WDFY3: variants seen among roughly 807,000 people sequenced by gnomAD.
The protein encoded by WDFY3 is WD repeat and FYVE domain containing 3.
A neutral mutation model predicts 409.6 loss-of-function variants in WDFY3; 66 were observed. That is an observed-to-expected ratio of 0.16 (90% confidence interval 0.13 to 0.20). The LOEUF (loss-of-function observed/expected upper bound fraction) is 0.20. Ranked by LOEUF, WDFY3 falls within the 10% of genes least tolerant of loss-of-function variation. The probability of loss-of-function intolerance (pLI) is 1.00; values close to 1 mark genes in which losing one functional copy is unlikely to be tolerated. For synonymous variants in WDFY3, 1,521 were observed against 1,537.1 expected (o/e 0.99, Z 0.25); for missense variants, 3,031 against 4,298.1 (o/e 0.71, Z 8.24).
chr4:84,710,229 C>A (rs1183602364), intron 51 of WDFY3, among the ~76,000 whole-genome samples: 1 of 152,076 alleles, frequency 6.6e-6, no homozygotes, highest in Non-Finnish European at 1.5e-5. Flanking sequence ...CAGATCCAAG[C>A]ATACTTAATT....
At chr4:84,698,370 G>C (rs1267201964) in intron 56 of WDFY3, among the ~76,000 whole-genome samples, 1 of 148,878 alleles carries the variant, frequency 6.7e-6, no homozygotes, top group African/African-American at 2.5e-5. Context: ...CTTCAGCCTT[G>C]AGCTCCTGGC....
intron 34 of WDFY3, among the ~76,000 whole-genome samples, chr4:84,754,444 C>T (rs927016071): frequency 6.6e-6 from 1 of 152,150 alleles, no homozygotes; most frequent in African/African-American, 2.4e-5. Flanking sequence ...AACGAGACTC[C>T]TAAAACATTC....
rs544204391 is a variant in WDFY3 at position 84,921,195 on chromosome 4, C to G, written c.-132+11075G>C. Among the ~76,000 whole-genome samples, 6 of 152,148 alleles carry G rather than the reference C, an allele frequency of 3.9e-5. No individual in the cohort carries two copies. In the South Asian group the frequency reaches 6.2e-4, roughly 16 times the overall value. On this transcript the variant is annotated intron_variant, in intron 2 of 67. Coordinates refer to ENST00000295888, the MANE Select transcript of WDFY3 (RefSeq NM_014991.6). ...TATAGTCATAAAACAACTGCAAGAG[C>G]CTTCTCGGACCCAATCTTAAAGCAA...
At chr4:84,724,307 T>G in intron 46 of WDFY3, 119 bp downstream of exon 46, 1 of 1,142,218 alleles carries the variant, frequency 8.8e-7, no homozygotes, top group Non-Finnish European at 1.2e-6. Flanking sequence ...GATGGTAAAA[T>G]GTGTATGGAT....
At chr4:84,841,627 G>A (rs1215324391) in intron 5 of WDFY3, among the ~76,000 whole-genome samples, 1 of 152,128 alleles carries the variant, frequency 6.6e-6, no homozygotes, top group Non-Finnish European at 1.5e-5. Flanking sequence ...AAACAAGAGT[G>A]GCTAGAGGAA....
At position 84,688,305 on chromosome 4, in the gene WDFY3, A is replaced by T. The variant is rs114314460; in HGVS notation, c.9364-40T>A. On this transcript the variant is annotated intron_variant, in intron 61 of 67. Coordinates refer to ENST00000295888, the MANE Select transcript of WDFY3 (RefSeq NM_014991.6). Reference sequence around the variant, plus strand: ...AAACAAACAAAATCAGGTTGATCTCAGTGACAGGGTTCCACAGTGACTCCA... The same window carrying T: ...AAACAAACAAAATCAGGTTGATCTCTGTGACAGGGTTCCACAGTGACTCCA... 360 of 1,591,218 alleles carry T rather than the reference A, an allele frequency of 2.3e-4. 2 individuals carry two copies. In the African/African-American group the frequency reaches 3.3e-3, roughly 14 times the overall value.
At chr4:84,810,876 G>A (rs934943217) in intron 13 of WDFY3, among the ~76,000 whole-genome samples, 1 of 152,168 alleles carries the variant, frequency 6.6e-6, no homozygotes, top group Non-Finnish European at 1.5e-5. Context: ...ATGAACTGAA[G>A]CCTAAGGGTT....
intron 46 of WDFY3, 55 bp from the exon 47 acceptor site, chr4:84,721,627 G>C: frequency 6.3e-7 from 1 of 1,586,612 alleles, no homozygotes; most frequent in Non-Finnish European, 8.5e-7. Flanking sequence ...TTGTGGGGAA[G>C]CAGTTTAGTC....
At chr4:84,868,347 C>A (rs1174587213) in intron 3 of WDFY3, among the ~76,000 whole-genome samples, 3 of 151,972 alleles carry the variant, frequency 2.0e-5, no homozygotes, top group Non-Finnish European at 2.9e-5. Flanking sequence ...TCCCAACAAA[C>A]TGGGTATATA....
Position 84,724,558 on chromosome 4 carries a change from T to G in WDFY3, c.7309A>C (p.Ser2437Arg). ...GCCAGTCGCATGTAGTACTCTTTAC[T>G]GTCATAACTTACGGCTCTTCTATAT... ...ARYRRAVSYD[S>R]KEYYMRLASG... The change falls in exon 46 of 68, where the codon AGT becomes CGT. Residue 2437 changes from serine to arginine, a missense_variant. Coordinates refer to ENST00000295888, the MANE Select transcript of WDFY3 (RefSeq NM_014991.6). 1 of 1,613,932 alleles carries G rather than the reference T, an allele frequency of 6.2e-7. No homozygotes were observed. The highest frequency in any genetic ancestry group is 8.5e-7 in the Non-Finnish European group (1 of 1,179,938).
intron 44 of WDFY3, among the ~76,000 whole-genome samples, chr4:84,733,089 A>G (rs568350870): frequency 6.6e-6 from 1 of 152,356 alleles, no homozygotes; most frequent in Admixed American, 6.5e-5. Context: ...GAAAACTCAG[A>G]GAGGTTTAAT....
chr4:84,859,790 G>A lies in WDFY3; in HGVS notation c.180+622C>T, dbSNP rs574320990. On this transcript the variant is annotated intron_variant, in intron 4 of 67. Coordinates refer to ENST00000295888, the MANE Select transcript of WDFY3 (RefSeq NM_014991.6). ...GGGTCTCACCATGTTGGCCAGGCTT[G>A]TCTCAAACTCCTGACCTCAGGTGAT... Among the ~76,000 whole-genome samples, 179 of 151,832 alleles carry A rather than the reference G, an allele frequency of 1.2e-3. 1 individual carries two copies. The highest frequency in any genetic ancestry group is 2.1e-3 in the Non-Finnish European group (144 of 67,926).
At chr4:84,698,432 GC>G (rs1730505043) in intron 56 of WDFY3, among the ~76,000 whole-genome samples, 1 of 151,702 alleles carries the variant, frequency 6.6e-6, no homozygotes, top group Non-Finnish European at 1.5e-5. Flanking sequence ...GTGCCACCAT[GC>G]CTGGCTAATT....
At chr4:84,694,652 C>A (rs1415518986) in intron 58 of WDFY3, among the ~76,000 whole-genome samples, 1 of 152,162 alleles carries the variant, frequency 6.6e-6, no homozygotes, top group Non-Finnish European at 1.5e-5. Flanking sequence ...GTAAACACAG[C>A]CAGGCGCCGT....
chr4:84,944,432 T>G (rs1005089062), intron 1 of WDFY3, among the ~76,000 whole-genome samples: 10 of 152,008 alleles, frequency 6.6e-5, no homozygotes, highest in African/African-American at 2.4e-4. Flanking sequence ...CTTGGAAGGT[T>G]GAGGTGGGAG....
chr4:84,834,938 C>T (rs996811735), intron 7 of WDFY3, among the ~76,000 whole-genome samples: 1 of 152,120 alleles, frequency 6.6e-6, no homozygotes, highest in African/African-American at 2.4e-5. Flanking sequence ...GGAACTAAAA[C>T]AAAGAAAGTG....
intron 2 of WDFY3, among the ~76,000 whole-genome samples, chr4:84,898,782 G>C (rs1579042992): frequency 1.3e-5 from 2 of 152,202 alleles, no homozygotes; most frequent in Middle Eastern, 3.4e-3. Flanking sequence ...AGTGAATTCT[G>C]CATCCCTCAG....
At chr4:84,677,478 T>C in intron 66 of WDFY3, 82 bp from the exon 67 acceptor site, 1 of 1,384,606 alleles carries the variant, frequency 7.2e-7, no homozygotes, top group Non-Finnish European at 9.6e-7. Context: ...TTTTGGTGGA[T>C]GTGTGTTTTG....
chr4:84,708,407 T>G (rs1732337931), intron 53 of WDFY3, among the ~76,000 whole-genome samples: 1 of 152,224 alleles, frequency 6.6e-6, no homozygotes, highest in African/African-American at 2.4e-5. Context: ...CAGTACTCAG[T>G]AAGTGGGTCA....
Sources: gnomAD v4.1 joint callset for allele counts (sites outside exome capture counted in the v4.1 genomes callset) on GRCh38, gnomAD v4.1.1 for gene constraint, MANE v1.5 for transcripts, NCBI Gene and HGNC (gene_info 2026-07-23, HGNC 2026-07-21) for gene names.